PCDH9: variants seen among roughly 807,000 people sequenced by gnomAD.
PCDH9 encodes the protein protocadherin 9, also known as protocadherin-9.
In PCDH9, 24 loss-of-function variants were observed where a neutral mutation model predicts 70.6. That is an observed-to-expected ratio of 0.34 (90% CI 0.25 to 0.48). PCDH9 has a LOEUF of 0.48. PCDH9 is among the 20% of genes least tolerant of loss of function. PCDH9 has a pLI of 0.99. For missense variants in PCDH9, 1,281 were observed against 1,503.6 expected (o/e 0.85, Z 2.45); for synonymous variants, 562 against 558.5 (o/e 1.01, Z -0.09).
At chr13:66,732,410 A>G (rs1283981799) in intron 3 of PCDH9, among the ~76,000 whole-genome samples, 1 of 152,022 alleles carries the variant, frequency 6.6e-6, no homozygotes, top group Non-Finnish European at 1.5e-5. Context: ...TAACATATAT[A>G]TTGACCTGAC....
chr13:66,386,135 T>C (rs1956925400), intron 4 of PCDH9, among the ~76,000 whole-genome samples: 1 of 152,180 alleles, frequency 6.6e-6, no homozygotes. Context: ...TATCCGTTAG[T>C]TCAAAACAGT....
At chr13:66,494,745 T>C (rs1959086578) in intron 4 of PCDH9, among the ~76,000 whole-genome samples, 1 of 152,152 alleles carries the variant, frequency 6.6e-6, no homozygotes, top group Admixed American at 6.5e-5. Flanking sequence ...CTGACCTGGT[T>C]TCATCAAAAT....
At chr13:67,004,365 G>A (rs1399106463) in intron 2 of PCDH9, among the ~76,000 whole-genome samples, 2 of 152,018 alleles carry the variant, frequency 1.3e-5, no homozygotes, top group African/African-American at 4.8e-5. Flanking sequence ...GAGGTCAGGA[G>A]TTCGAGACCA....
rs534215355 is a variant in PCDH9, at chr13:66,753,806, A to G, written c.3139-122395T>C. 2.3e-4 allele frequency among the ~76,000 whole-genome samples: 35 copies of G among 152,346 alleles called. No individual in the cohort carries two copies. In the South Asian group the frequency reaches 3.7e-3, roughly 16 times the overall value. Reference sequence around the variant, plus strand: ...TTCTTTAAGTACTAGGTATAAGACAAAAATATGCCATGATTTATTTAAACA... The same window carrying G: ...TTCTTTAAGTACTAGGTATAAGACAGAAATATGCCATGATTTATTTAAACA... On this transcript the variant is annotated intron_variant, in intron 3 of 4. Transcript: ENST00000377865.
intron 2 of PCDH9, among the ~76,000 whole-genome samples, chr13:67,079,527 A>G (rs900739832): frequency 3.3e-5 from 5 of 152,196 alleles, no homozygotes; most frequent in African/African-American, 4.8e-5. Flanking sequence ...ACAGCATAAC[A>G]TGGCATATAG....
In PCDH9 at chr13:66,715,143, C is replaced by T. The variant is rs559049115; in HGVS notation, c.3139-83732G>A. ...TCTAGCACATTTCATCCCAAATCAT[C>T]AGTCACTGGGCATTTTTCTGTTTCT... On this transcript the variant is annotated intron_variant, in intron 3 of 4. Coordinates refer to ENST00000377865, the MANE Select transcript of PCDH9 (RefSeq NM_203487.3). Among the ~76,000 whole-genome samples the T allele has an allele frequency of 1.6e-4, 24 of 152,290 alleles. No homozygotes were observed. The South Asian group carries it at 5.0e-3, about 32-fold the overall frequency.
At position 66,869,384 on chromosome 13, in the gene PCDH9, C is replaced by A. The variant is rs537579026; in HGVS notation, c.3138+34120G>T. ...TATTTATTTGTTTTATTTTTGCAAC[C>A]CTTCTAGGGAAGAAAACTGAAGCAT... is the stretch of plus-strand genomic sequence containing the variant. On this transcript the variant is annotated intron_variant, in intron 3 of 4. Transcript: ENST00000377865. Among the ~76,000 whole-genome samples, 75 of 151,992 alleles carry A rather than the reference C, an allele frequency of 4.9e-4. 2 individuals carry two copies. In the South Asian group the frequency reaches 0.014, roughly 29 times the overall value.
intron 4 of PCDH9, among the ~76,000 whole-genome samples, chr13:66,485,736 AT>A (rs546500445): frequency 6.6e-6 from 1 of 151,698 alleles, no homozygotes; most frequent in African/African-American, 2.4e-5. Context: ...TTATTTATTT[AT>A]TTTTTATTTT....
chr13:67,192,928 G>C (rs1350717601), intron 2 of PCDH9, among the ~76,000 whole-genome samples: 1 of 152,114 alleles, frequency 6.6e-6, no homozygotes, highest in Admixed American at 6.6e-5. Flanking sequence ...AGGGAAAACT[G>C]TTTAACAGGA....
chr13:67,163,770 A>C (rs2088028185), intron 2 of PCDH9, among the ~76,000 whole-genome samples: 2 of 152,246 alleles, frequency 1.3e-5, no homozygotes, highest in South Asian at 4.1e-4. Flanking sequence ...TCTTTAAAGA[A>C]TAATCAGTAA....
At chr13:66,797,948 T>C (rs1024972835) in intron 3 of PCDH9, among the ~76,000 whole-genome samples, 4 of 148,104 alleles carry the variant, frequency 2.7e-5, no homozygotes, top group Non-Finnish European at 4.4e-5. Flanking sequence ...GTTCTGTTTT[T>C]GTTTCTTGGG....
rs138983440 is a variant in PCDH9, at chr13:67,140,522, C to G, written c.3036+84883G>C. Among the ~76,000 whole-genome samples, 3 of 152,186 alleles carry G rather than the reference C, an allele frequency of 2.0e-5. No individual in the cohort carries two copies. The East Asian group carries it at 5.8e-4, about 29-fold the overall frequency. ...CAGTCCTCTTTTTAGAGGTATGGAG[C>G]AGGTCAGGTGTTTTCAAACCTCAGG... On this transcript the variant is annotated intron_variant, in intron 2 of 4. Coordinates refer to ENST00000377865, the MANE Select transcript of PCDH9 (RefSeq NM_203487.3).
At chr13:66,818,077 G>C (rs959423832) in intron 3 of PCDH9, among the ~76,000 whole-genome samples, 1 of 152,162 alleles carries the variant, frequency 6.6e-6, no homozygotes, top group Non-Finnish European at 1.5e-5. Flanking sequence ...TCAACGGACA[G>C]TTTTAATTGG....
At chr13:66,635,047 C>G (rs956383575) in intron 3 of PCDH9, among the ~76,000 whole-genome samples, 1 of 152,098 alleles carries the variant, frequency 6.6e-6, no homozygotes, top group Non-Finnish European at 1.5e-5. Flanking sequence ...TTACTGCCTC[C>G]AAAAATTTTG....
intron 4 of PCDH9, among the ~76,000 whole-genome samples, chr13:66,617,675 C>T (rs1218492305): frequency 6.6e-6 from 1 of 152,116 alleles, no homozygotes; most frequent in Non-Finnish European, 1.5e-5. Flanking sequence ...TAAAAGGCCT[C>T]GGAATTTTTG....
At chr13:66,389,497 T>G (rs954319545) in intron 4 of PCDH9, among the ~76,000 whole-genome samples, 1 of 152,224 alleles carries the variant, frequency 6.6e-6, no homozygotes, top group Non-Finnish European at 1.5e-5. Context: ...TTTCAGGACC[T>G]TCAGAGATGG....
intron 4 of PCDH9, among the ~76,000 whole-genome samples, chr13:66,530,902 G>A (rs1382437885): frequency 6.6e-6 from 1 of 151,824 alleles, no homozygotes; most frequent in African/African-American, 2.4e-5. Flanking sequence ...GAAAATCACT[G>A]ACTTTTACCA....
chr13:66,316,655 T>A (rs565231949), intron 4 of PCDH9, among the ~76,000 whole-genome samples: 46 of 152,292 alleles, frequency 3.0e-4, no homozygotes, highest in African/African-American at 1.0e-3. Flanking sequence ...AAAAGTCAAT[T>A]CTTCATAGAG....
chr13:66,432,491 T>G (rs1322003912), intron 4 of PCDH9, among the ~76,000 whole-genome samples: 2 of 152,032 alleles, frequency 1.3e-5, no homozygotes, highest in African/African-American at 4.8e-5. Flanking sequence ...TTACTTAATT[T>G]TTGTAACAAT....
Sources: gnomAD v4.1 joint callset for allele counts (sites outside exome capture counted in the v4.1 genomes callset) on GRCh38, gnomAD v4.1.1 for gene constraint, MANE v1.5 for transcripts, NCBI Gene and HGNC (gene_info 2026-07-23, HGNC 2026-07-21) for gene names.